SLC5A10: variants seen among roughly 807,000 people sequenced by gnomAD.
SLC5A10 encodes sodium/mannose cotransporter SLC5A10.
Under a neutral mutation model 68.9 loss-of-function variants are expected in SLC5A10, and 55 were observed. That is an observed-to-expected ratio of 0.80 (90% CI 0.64 to 1.00). The LOEUF (loss-of-function observed/expected upper bound fraction) is 1.00. SLC5A10 is among the 50% of genes least tolerant of loss of function. SLC5A10 has a pLI of 0.00. For synonymous variants in SLC5A10, 344 were observed against 344.8 expected, an observed-to-expected ratio of 1.00 and a Z score of 0.02; for missense variants, 732 against 819.3, an observed-to-expected ratio of 0.89 and a Z score of 1.30.
chr17:19,011,316 C>T (rs772588569), intron 9 of SLC5A10, among the ~76,000 whole-genome samples: 8 of 152,108 alleles, frequency 5.3e-5, no homozygotes, highest in Non-Finnish European at 8.8e-5. Flanking sequence ...GGGTGTTAGA[C>T]GGACAGTGGT....
At chr17:19,008,595 G>A (rs1009290672) in intron 9 of SLC5A10, among the ~76,000 whole-genome samples, 2 of 151,520 alleles carry the variant, frequency 1.3e-5, no homozygotes, top group Admixed American at 1.3e-4. Context: ...CGCCTCCTGG[G>A]TTCACACCAT....
intron 11 of SLC5A10, 144 bp from the exon 12 acceptor site, chr17:19,019,278 GT>G: frequency 1.0e-6 from 1 of 979,040 alleles, no homozygotes; most frequent in Non-Finnish European, 1.5e-6. Context: ...CAGGTCACTG[GT>G]GGTGTGGACC....
Position 18,977,161 on chromosome 17 carries a change from G to T in SLC5A10, c.982+172G>T, listed in dbSNP as rs571710749. ...CACAATCAAAGGGATTAACATGGAT[G>T]TGGCTTGGCACAAGGTCTGGACAGG... is the stretch of plus-strand genomic sequence containing the variant. On this transcript the variant is annotated intron_variant, in intron 9 of 14. Transcript: ENST00000395645. 16 of 886,374 alleles carry T rather than the reference G, an allele frequency of 1.8e-5. No homozygotes were observed. The South Asian group carries it at 2.4e-4, about 13-fold the overall frequency. The allele number at this position is 886,374 out of a possible 1,614,324, so 54.9% of individuals were successfully genotyped here.
In SLC5A10 at chr17:19,019,564, C is replaced by A. The variant is rs745850971; in HGVS notation, c.1383C>A (p.Gly461=). The change falls in exon 12 of 15, where the codon GGC becomes GGA. Residue 461 remains glycine, a synonymous_variant. Transcript: ENST00000395645. ...CAGTGACTGCAGTCTTTGTCCTGGG[C>A]GTCTTCTGGCGACGTGCCAACGAGC... is the stretch of plus-strand genomic sequence containing the variant. ...APPVTAVFVL[G]VFWRRANEQG... The A allele has an allele frequency of 2.5e-6, 4 of 1,611,848 alleles. No individual in the cohort carries two copies. Among genetic ancestry groups the A allele is most frequent in the East Asian group, 2.2e-5 (1 of 44,886 alleles).
chr17:18,983,290 G>A (rs1463786463), intron 9 of SLC5A10, among the ~76,000 whole-genome samples: 1 of 152,230 alleles, frequency 6.6e-6, no homozygotes, highest in Non-Finnish European at 1.5e-5. Flanking sequence ...GCATCACTAT[G>A]GCCATGGGGC....
rs749150633 is a variant in SLC5A10, at chr17:19,022,009, C to T, written c.*1578C>T. 5.6e-6 allele frequency: 9 copies of T among 1,595,984 alleles called. No homozygotes were observed. The highest frequency in any genetic ancestry group is 2.7e-5 in the African/African-American group (2 of 73,962). ...CTCCGTGGGAAGAAGCCAACGCGCC[C>T]GCAGGACCGGCCCCGCCACCAGTGG... On this transcript the variant is annotated 3_prime_UTR_variant, in exon 15 of 15. Transcript: ENST00000395645.
chr17:18,961,380 G>C (rs1438341506), intron 5 of SLC5A10, among the ~76,000 whole-genome samples: 10 of 152,172 alleles, frequency 6.6e-5, no homozygotes. Flanking sequence ...CTGGCTGAGA[G>C]AGCTGACACT....
chr17:18,959,638 T>G lies in SLC5A10; in HGVS notation c.323T>G (p.Phe108Cys), dbSNP rs1303784766. 1 of 1,613,942 alleles carries G rather than the reference T, an allele frequency of 6.2e-7. No individual in the cohort carries two copies. Among genetic ancestry groups the G allele is most frequent in the African/African-American group, 1.3e-5 (1 of 74,924 alleles). ...TYVLLALAWVFVPIYISSEIV... is the reference protein window; with the variant it reads ...TYVLLALAWVCVPIYISSEIV... ...GTGCTGCTGGCACTGGCATGGGTGT[T>G]CGTGCCCATCTACATCTCCTCAGAG... Residue 108 changes from phenylalanine to cysteine, a missense_variant, in exon 4 of 15, where the codon TTC becomes TGC. Coordinates refer to ENST00000395645, the MANE Select transcript of SLC5A10 (RefSeq NM_001042450.4).
chr17:18,978,002 T>A (rs1376871734), intron 9 of SLC5A10: 1 of 1,563,856 alleles, frequency 6.4e-7, no homozygotes, highest in Middle Eastern at 1.7e-4. Flanking sequence ...TAGCTGCCGC[T>A]GGAGTGGGGC....
At chr17:18,955,115 T>A (rs1372948137) in intron 1 of SLC5A10, among the ~76,000 whole-genome samples, 1 of 145,374 alleles carries the variant, frequency 6.9e-6, no homozygotes, top group Non-Finnish European at 1.5e-5. Flanking sequence ...AAAAAAGAAT[T>A]CAGGAAATGT....
chr17:18,999,435 G>A (rs1212187591), intron 9 of SLC5A10, among the ~76,000 whole-genome samples: 2 of 152,164 alleles, frequency 1.3e-5, no homozygotes, highest in African/African-American at 2.4e-5. Flanking sequence ...CAGACTGGGG[G>A]TCTCGGCCCA....
rs377157822 is a variant in SLC5A10 at position 19,020,311 on chromosome 17, G to A, written c.1685-14G>A. On this transcript the variant is annotated splice_polypyrimidine_tract_variant and intron_variant, in intron 14 of 14. Transcript: ENST00000395645. ...GTCCTTCATCTGTCCCTCTCCTTCTGCAACCCCCTCCAGGTGATGGCCAAA... is the reference window on the plus strand; with the variant it reads ...GTCCTTCATCTGTCCCTCTCCTTCTACAACCCCCTCCAGGTGATGGCCAAA... 20 of 1,614,026 alleles carry A rather than the reference G, an allele frequency of 1.2e-5. No homozygotes were observed. The highest frequency in any genetic ancestry group is 9.3e-5 in the African/African-American group (7 of 75,034).
rs926834268 is a variant in SLC5A10 at position 19,021,090 on chromosome 17, T to TA, written c.*660dup. The stretch of plus-strand genomic sequence containing the variant: ...GGGTAGGGGCCGTGCCCCACCTAGG[T>TA]AGCCGTCCCATGTGGGATCCTGTAG... On this transcript the variant is annotated 3_prime_UTR_variant, in exon 15 of 15. Transcript: ENST00000395645. This position sits in a 1 kb window ranked among gnomAD's most constrained non-coding sequence, Gnocchi z 4.1. 1.3e-5 allele frequency: 2 copies of TA among 152,404 alleles called. No homozygotes were observed. The highest frequency in any genetic ancestry group is 4.8e-5 in the African/African-American group (2 of 41,430). The allele number at this position is 152,404 out of a possible 1,614,324, so 9.4% of individuals were successfully genotyped here. A position where few individuals can be genotyped will look rare whatever the true frequency, so the allele number is the denominator to read the frequency against.
intron 9 of SLC5A10, among the ~76,000 whole-genome samples, chr17:18,983,153 C>T (rs2043181631): frequency 2.6e-5 from 4 of 152,202 alleles, no homozygotes; most frequent in Non-Finnish European, 5.9e-5. Context: ...AGTGACCTGC[C>T]CACTGTCTCC....
rs765627426 is a variant in SLC5A10 at position 19,019,639 on chromosome 17, C to T, written c.1410+48C>T. ...CCCTGGGGACGTGCCACAATTTGCTCTTCCCTGCTGCCTGTGGGGGGAGCC... is the reference window on the plus strand; with the variant it reads ...CCCTGGGGACGTGCCACAATTTGCTTTTCCCTGCTGCCTGTGGGGGGAGCC... On this transcript the variant is annotated intron_variant, in intron 12 of 14. Transcript: ENST00000395645. The T allele has an allele frequency of 1.9e-6, 3 of 1,604,418 alleles. No individual in the cohort carries two copies. In the Admixed American group the frequency reaches 5.0e-5, roughly 27 times the overall value.
chr17:19,005,098 T>C (rs1021737910), intron 9 of SLC5A10, among the ~76,000 whole-genome samples: 1 of 152,104 alleles, frequency 6.6e-6, no homozygotes, highest in African/African-American at 2.4e-5. Context: ...TTCGCCGGCG[T>C]GGCGGGAAGT....
chr17:18,958,816 G>T, intron 2 of SLC5A10, 63 bp downstream of exon 2: 1 of 1,570,140 alleles, frequency 6.4e-7, no homozygotes, highest in Non-Finnish European at 8.8e-7. Context: ...CTGATCTCTA[G>T]GTCACCTGGC....
intron 9 of SLC5A10, among the ~76,000 whole-genome samples, chr17:18,991,128 C>T (rs2043411413): frequency 1.3e-5 from 2 of 152,226 alleles, no homozygotes; most frequent in Admixed American, 1.3e-4. Flanking sequence ...CAGAGGCATT[C>T]GCCACCTTGC....
chr17:18,960,352 T>A (rs994040754), intron 4 of SLC5A10, among the ~76,000 whole-genome samples, 196 bp from the exon 5 acceptor site: 22 of 152,142 alleles, frequency 1.4e-4, no homozygotes, highest in African/African-American at 5.3e-4. Flanking sequence ...CCTGACACCC[T>A]CGGGGCGCAG....
Sources: allele counts gnomAD v4.1 joint callset (sites outside exome capture counted in the v4.1 genomes callset), GRCh38; gene constraint gnomAD v4.1.1; non-coding constraint Gnocchi (gnomAD v3.1); transcripts MANE v1.5; gene names NCBI Gene and HGNC (gene_info 2026-07-23, HGNC 2026-07-21).